Variants in LRRTM4 observed in about 807,000 individuals in gnomAD.
The protein encoded by LRRTM4 is leucine-rich repeat transmembrane neuronal protein 4.
LRRTM4 carries 25 observed loss-of-function variants against 47.6 expected under a neutral mutation model. The ratio of observed to expected loss-of-function variants is 0.53; its 90% CI spans 0.38 to 0.73. The LOEUF (loss-of-function observed/expected upper bound fraction) is 0.73, where lower values mean the gene tolerates loss of function less well. Among genes scored for constraint, LRRTM4 ranks in the 30% least tolerant of loss-of-function variants. The probability of loss-of-function intolerance (pLI) is 0.00; values close to 1 mark genes in which losing one functional copy is unlikely to be tolerated. For missense variants in LRRTM4, 638 were observed against 713.4 expected (o/e 0.89, Z 1.20); for synonymous variants, 311 against 269.5 (o/e 1.15, Z -1.51).
intron 3 of LRRTM4, among the ~76,000 whole-genome samples, chr2:77,379,516 A>G (rs1311237691): frequency 6.6e-6 from 1 of 152,054 alleles, no homozygotes; most frequent in African/African-American, 2.4e-5. Flanking sequence ...CCTTGAATTC[A>G]ATCTCCCTCA....
At chr2:77,152,737 TTGAG>T (rs1672463229) in intron 3 of LRRTM4, among the ~76,000 whole-genome samples, 1 of 152,190 alleles carries the variant, frequency 6.6e-6, no homozygotes, top group South Asian at 2.1e-4. Context: ...TGTATAATAA[TTGAG>T]TAACAACACA....
At chr2:77,081,166 C>T (rs931122658) in intron 3 of LRRTM4, among the ~76,000 whole-genome samples, 14 of 151,796 alleles carry the variant, frequency 9.2e-5, no homozygotes, top group African/African-American at 3.4e-4. Context: ...ATCTGTCCCT[C>T]TTATAGAAGC....
At chr2:76,946,987 G>C (rs549325299) in intron 3 of LRRTM4, among the ~76,000 whole-genome samples, 6 of 151,926 alleles carry the variant, frequency 3.9e-5, no homozygotes, top group Admixed American at 6.6e-5. Context: ...TAACCAGGAA[G>C]GCCTGAGTGA....
intron 3 of LRRTM4, among the ~76,000 whole-genome samples, chr2:77,395,680 C>G (rs1257205718): frequency 2.0e-5 from 3 of 151,974 alleles, no homozygotes; most frequent in Non-Finnish European, 4.4e-5. Flanking sequence ...TTGAGCTCCT[C>G]TTACTAGACC....
intron 3 of LRRTM4, among the ~76,000 whole-genome samples, chr2:77,129,597 T>C (rs1202214065): frequency 6.6e-6 from 1 of 152,204 alleles, no homozygotes; most frequent in East Asian, 1.9e-4. Context: ...TCCCATTTTC[T>C]AGTTTCATTA....
intron 3 of LRRTM4, among the ~76,000 whole-genome samples, chr2:77,142,892 C>A (rs940343140): frequency 2.6e-5 from 4 of 152,104 alleles, no homozygotes; most frequent in African/African-American, 9.7e-5. Flanking sequence ...AAAAATTTCC[C>A]AAGGTTACTC....
chr2:76,950,089 A>G (rs1675448397), intron 3 of LRRTM4, among the ~76,000 whole-genome samples: 1 of 151,976 alleles, frequency 6.6e-6, no homozygotes, highest in South Asian at 2.1e-4. Flanking sequence ...ACAAATTATG[A>G]AAACAGTAGT....
intron 3 of LRRTM4, among the ~76,000 whole-genome samples, chr2:77,439,782 T>G (rs987973714): frequency 1.3e-5 from 2 of 152,192 alleles, no homozygotes; most frequent in Non-Finnish European, 2.9e-5. Context: ...AAGCCAGTAT[T>G]GTGCCATTTT....
chr2:77,010,843 A>G (rs1042441677), intron 3 of LRRTM4, among the ~76,000 whole-genome samples: 1 of 152,136 alleles, frequency 6.6e-6, no homozygotes, highest in Non-Finnish European at 1.5e-5. Flanking sequence ...TCCACAGACA[A>G]TGTTCTGAGT....
chr2:76,915,793 A>T (rs1017765941), intron 3 of LRRTM4, among the ~76,000 whole-genome samples: 1 of 152,216 alleles, frequency 6.6e-6, no homozygotes, highest in Non-Finnish European at 1.5e-5. Context: ...TTAAATAGTT[A>T]TAAGAAAGTG....
chr2:77,094,606 A>G (rs542184373), intron 3 of LRRTM4, among the ~76,000 whole-genome samples: 1 of 152,338 alleles, frequency 6.6e-6, no homozygotes, highest in Non-Finnish European at 1.5e-5. Flanking sequence ...CAGGACAGAA[A>G]GCCCAGAAAT....
chr2:76,795,924 G>C (rs573091124), intron 3 of LRRTM4, among the ~76,000 whole-genome samples: 2 of 151,796 alleles, frequency 1.3e-5, no homozygotes, highest in South Asian at 4.2e-4. Context: ...CTCATTGGGA[G>C]TGCCAGACAG....
At position 77,141,413 on chromosome 2, in the gene LRRTM4, T is replaced by C. The variant is rs535394228; in HGVS notation, c.1551+376905A>G. Among the ~76,000 whole-genome samples the C allele has an allele frequency of 2.7e-3, 394 of 145,226 alleles. 2 individuals carry two copies. The highest frequency in any genetic ancestry group is 0.011 in the Middle Eastern group (3 of 274). The stretch of plus-strand genomic sequence containing the variant: ...GCGTGTTCTCACTCACAGGTGGGAA[T>C]TGAACAATGAGAACACTTGGACACA... On this transcript the variant is annotated intron_variant, in intron 3 of 3. Transcript: ENST00000409884.
intron 3 of LRRTM4, among the ~76,000 whole-genome samples, chr2:76,776,672 G>A (rs1432857469): frequency 2.7e-5 from 4 of 148,636 alleles, no homozygotes; most frequent in African/African-American, 9.8e-5. Context: ...TTTGTCAGAT[G>A]AGTAGGTTGC....
intron 3 of LRRTM4, among the ~76,000 whole-genome samples, chr2:76,944,889 G>C (rs1051124688): frequency 6.6e-6 from 1 of 152,020 alleles, no homozygotes; most frequent in Non-Finnish European, 1.5e-5. Context: ...TATTACTCAG[G>C]AATATTTACC....
intron 3 of LRRTM4, among the ~76,000 whole-genome samples, chr2:77,139,316 C>G (rs1262329366): frequency 6.6e-6 from 1 of 152,094 alleles, no homozygotes; most frequent in Non-Finnish European, 1.5e-5. Context: ...AAGGCTGGTT[C>G]AACATACGAA....
At chr2:77,137,500 G>C (rs1671981007) in intron 3 of LRRTM4, among the ~76,000 whole-genome samples, 1 of 151,256 alleles carries the variant, frequency 6.6e-6, no homozygotes, top group African/African-American at 2.5e-5. Flanking sequence ...GGAACAATCA[G>C]TACCAGCCAC....
At chr2:77,241,813 T>A (rs1472929035) in intron 3 of LRRTM4, among the ~76,000 whole-genome samples, 4 of 152,138 alleles carry the variant, frequency 2.6e-5, no homozygotes, top group Non-Finnish European at 5.9e-5. Context: ...TATGTTTAGA[T>A]CTTTGGTCCA....
At chr2:77,090,660 A>G (rs1260680085) in intron 3 of LRRTM4, among the ~76,000 whole-genome samples, 1 of 152,172 alleles carries the variant, frequency 6.6e-6, no homozygotes, top group East Asian at 1.9e-4. Context: ...TACAAGTGCC[A>G]GAAATCTGAC....
Sources: allele counts gnomAD v4.1 joint callset (sites outside exome capture counted in the v4.1 genomes callset), GRCh38; gene constraint gnomAD v4.1.1; transcripts MANE v1.5; gene names NCBI Gene and HGNC (gene_info 2026-07-23, HGNC 2026-07-21).